OPCML: variants seen among roughly 807,000 people sequenced by gnomAD.
OPCML encodes opioid binding protein/cell adhesion molecule like, also known as opioid-binding protein/cell adhesion molecule.
Under a neutral mutation model 37.8 loss-of-function variants are expected in OPCML, and 13 were observed. The observed-to-expected ratio is 0.34, with a 90% confidence interval of 0.22 to 0.55. The LOEUF (loss-of-function observed/expected upper bound fraction) is 0.55. OPCML is among the 20% of genes least tolerant of loss of function. The pLI, the probability that OPCML is intolerant of heterozygous loss-of-function variation, is 0.91. For synonymous variants in OPCML, 176 were observed against 168.8 expected, an observed-to-expected ratio of 1.04 and a Z score of -0.33; for missense variants, 341 against 435.6, an observed-to-expected ratio of 0.78 and a Z score of 1.93.
At position 133,184,263 on chromosome 11, in the gene OPCML, A is replaced by C. The variant is rs114979490; in HGVS notation, c.62-241253T>G. Among the ~76,000 whole-genome samples the C allele has an allele frequency of 1.5e-3, 228 of 152,346 alleles. 3 individuals carry two copies. The highest frequency in any genetic ancestry group is 5.0e-3 in the African/African-American group (209 of 41,574). On this transcript the variant is annotated intron_variant, in intron 1 of 7. Coordinates refer to ENST00000524381, the MANE Select transcript of OPCML (RefSeq NM_001012393.5). ...AGATAGGGTGGTGAATATTATGCCA[A>C]GTGGGAAAAAAGGTAACTGCTGTAA...
chr11:132,495,801 G>T (rs991918444), intron 4 of OPCML, among the ~76,000 whole-genome samples: 18 of 151,860 alleles, frequency 1.2e-4, no homozygotes, highest in Non-Finnish European at 2.4e-4. Context: ...AGGCTGAGGT[G>T]GGAGAATGGT....
intron 1 of OPCML, among the ~76,000 whole-genome samples, chr11:133,113,587 G>C (rs1218542601): frequency 6.6e-6 from 1 of 152,180 alleles, no homozygotes; most frequent in Non-Finnish European, 1.5e-5. Flanking sequence ...TTTCATAGTA[G>C]TTCAGAAAGA....
intron 3 of OPCML, among the ~76,000 whole-genome samples, chr11:132,575,777 C>T (rs947692609): frequency 6.6e-6 from 1 of 151,890 alleles, no homozygotes; most frequent in Admixed American, 6.6e-5. Context: ...ATTTAGTGTC[C>T]TTTTATTTCA....
At chr11:133,483,310 G>GA (rs1565659150) in intron 1 of OPCML, among the ~76,000 whole-genome samples, 95 of 81,150 alleles carry the variant, frequency 1.2e-3, no homozygotes, top group Middle Eastern at 9.0e-3. Flanking sequence ...TGATAGATAG[G>GA]CAGATAGATA....
At chr11:132,732,591 G>A (rs1276333508) in intron 2 of OPCML, among the ~76,000 whole-genome samples, 1 of 152,152 alleles carries the variant, frequency 6.6e-6, no homozygotes, top group East Asian at 1.9e-4. Flanking sequence ...CAGGGAGGAT[G>A]AAAGAGAACA....
chr11:132,470,173 A>C (rs7103427), intron 4 of OPCML, among the ~76,000 whole-genome samples: 1 of 152,090 alleles, frequency 6.6e-6, no homozygotes, highest in Non-Finnish European at 1.5e-5. Flanking sequence ...GGGATGCAAA[A>C]ATGGAAGCAT....
At chr11:133,169,061 C>T (rs185332144) in intron 1 of OPCML, among the ~76,000 whole-genome samples, 4 of 152,188 alleles carry the variant, frequency 2.6e-5, no homozygotes, top group African/African-American at 9.6e-5. Flanking sequence ...ACCTGGGAGA[C>T]GGAGGTTGCA....
intron 4 of OPCML, among the ~76,000 whole-genome samples, chr11:132,491,720 A>G (rs1002687569): frequency 6.6e-6 from 1 of 152,200 alleles, no homozygotes; most frequent in Non-Finnish European, 1.5e-5. Context: ...GGTGGGGTCT[A>G]CACCAATGGC....
At chr11:133,165,597 C>T (rs1437720088) in intron 1 of OPCML, among the ~76,000 whole-genome samples, 1 of 152,122 alleles carries the variant, frequency 6.6e-6, no homozygotes, top group African/African-American at 2.4e-5. Context: ...AATAAATTTC[C>T]TCCAAGTTCT....
chr11:132,682,334 T>C (rs966028097), intron 2 of OPCML, among the ~76,000 whole-genome samples: 5 of 152,212 alleles, frequency 3.3e-5, no homozygotes, highest in Non-Finnish European at 4.4e-5. Flanking sequence ...CAAGAATTTA[T>C]GTTTCTTAGA....
chr11:132,685,047 A>G (rs936766511), intron 2 of OPCML, among the ~76,000 whole-genome samples: 35 of 152,206 alleles, frequency 2.3e-4, no homozygotes, highest in African/African-American at 7.0e-4. Context: ...TTTAAATTTG[A>G]TATCAGGACT....
chr11:133,119,311 C>CT (rs1295661076), intron 1 of OPCML, among the ~76,000 whole-genome samples: 23 of 152,112 alleles, frequency 1.5e-4, no homozygotes, highest in African/African-American at 4.8e-4. Flanking sequence ...ATAGATGTAT[C>CT]TAGTATATAA....
At chr11:133,448,609 C>G (rs1946518217) in intron 1 of OPCML, among the ~76,000 whole-genome samples, 1 of 152,128 alleles carries the variant, frequency 6.6e-6, no homozygotes, top group Non-Finnish European at 1.5e-5. Flanking sequence ...AGGTGCCTGC[C>G]ACCATGCCCA....
chr11:132,559,427 A>C (rs1489328212), intron 3 of OPCML, among the ~76,000 whole-genome samples: 1 of 152,320 alleles, frequency 6.6e-6, no homozygotes, highest in South Asian at 2.1e-4. Context: ...CTTTTAAGGA[A>C]GTGTTTAAGA....
chr11:133,345,040 A>G (rs1943963987), intron 1 of OPCML, among the ~76,000 whole-genome samples: 1 of 152,140 alleles, frequency 6.6e-6, no homozygotes, highest in Non-Finnish European at 1.5e-5. Flanking sequence ...ACCTCTCTTT[A>G]AAATCAATCC....
chr11:132,623,883 C>T (rs1026027602), intron 3 of OPCML, among the ~76,000 whole-genome samples: 1 of 152,192 alleles, frequency 6.6e-6, no homozygotes, highest in Non-Finnish European at 1.5e-5. Context: ...TTACTAGAAA[C>T]AAGAGAAATT....
intron 2 of OPCML, among the ~76,000 whole-genome samples, chr11:132,662,412 C>CAAAA (rs57243826): frequency 4.4e-4 from 53 of 119,928 alleles, no homozygotes; most frequent in African/African-American, 1.4e-3. Context: ...TTTGAAAATG[C>CAAAA]AAAAAAAAAA....
chr11:133,437,355 T>C (rs1403362816), intron 1 of OPCML, among the ~76,000 whole-genome samples: 2 of 152,164 alleles, frequency 1.3e-5, no homozygotes, highest in African/African-American at 2.4e-5. Context: ...ACTTTCTCTC[T>C]GGGCATCACC....
intron 3 of OPCML, among the ~76,000 whole-genome samples, chr11:132,553,964 C>T (rs767240577): frequency 6.6e-6 from 1 of 152,144 alleles, no homozygotes; most frequent in Non-Finnish European, 1.5e-5. Context: ...CAATTTTGTG[C>T]CCTTTATCAT....
Sources: gnomAD v4.1 joint callset for allele counts (sites outside exome capture counted in the v4.1 genomes callset) on GRCh38, gnomAD v4.1.1 for gene constraint, MANE v1.5 for transcripts, NCBI Gene and HGNC (gene_info 2026-07-23, HGNC 2026-07-21) for gene names.